Variants in RBFOX1 observed in about 807,000 individuals in gnomAD.
RBFOX1 encodes RNA binding protein fox-1 homolog 1.
In RBFOX1, 8 loss-of-function variants were observed where a neutral mutation model predicts 57.7. That is an observed-to-expected ratio of 0.14 (90% CI 0.08 to 0.25). RBFOX1 has a LOEUF of 0.25. RBFOX1 is among the 10% of genes least tolerant of loss of function. RBFOX1 has a pLI of 1.00. For synonymous variants in RBFOX1, 326 were observed against 222.4 expected (o/e 1.47, Z -4.15); for missense variants, 611 against 548.5 (o/e 1.11, Z -1.14).
chr16:5,560,102 A>G (rs1173484338), intron 2 of RBFOX1, among the ~76,000 whole-genome samples: 1 of 152,186 alleles, frequency 6.6e-6, no homozygotes, highest in Non-Finnish European at 1.5e-5. Context: ...CATATTCATT[A>G]TTTATAGAAT....
At chr16:7,080,083 GTATATATGTATA>G (rs891625631) in intron 4 of RBFOX1, among the ~76,000 whole-genome samples, 4 of 136,702 alleles carry the variant, frequency 2.9e-5, no homozygotes, top group African/African-American at 1.2e-4. Context: ...ATATACATAT[GTATATATGTATA>G]TATATATAAA....
At chr16:5,407,830 T>C (rs565319405) in intron 1 of RBFOX1, among the ~76,000 whole-genome samples, 1 of 152,304 alleles carries the variant, frequency 6.6e-6, no homozygotes, top group African/African-American at 2.4e-5. Flanking sequence ...ATTACAGGCG[T>C]GAGCCACTGC....
chr16:6,346,061 T>TATC (rs2085321514), intron 2 of RBFOX1, among the ~76,000 whole-genome samples: 1 of 152,144 alleles, frequency 6.6e-6, no homozygotes, highest in Non-Finnish European at 1.5e-5. Context: ...GGTATGCATT[T>TATC]ATCTCAGTGA....
intron 3 of RBFOX1, among the ~76,000 whole-genome samples, chr16:6,913,594 C>T (rs1444611904): frequency 1.3e-5 from 2 of 152,108 alleles, no homozygotes; most frequent in African/African-American, 4.8e-5. Flanking sequence ...GGTAGCATCC[C>T]CAAGCTTTTC....
intron 4 of RBFOX1, among the ~76,000 whole-genome samples, chr16:7,513,765 GC>G (rs1191095392): frequency 6.6e-6 from 1 of 152,188 alleles, no homozygotes; most frequent in Admixed American, 6.5e-5. Context: ...AGAAGGGGCT[GC>G]TTTTCATGGA....
chr16:7,595,279 C>A (rs1025665458), intron 7 of RBFOX1, among the ~76,000 whole-genome samples: 1 of 151,736 alleles, frequency 6.6e-6, no homozygotes, highest in South Asian at 2.1e-4. Flanking sequence ...GATTTATTTT[C>A]TTCTGTAGTG....
chr16:5,577,739 C>T (rs1003927366), intron 2 of RBFOX1, among the ~76,000 whole-genome samples: 12 of 152,018 alleles, frequency 7.9e-5, no homozygotes, highest in African/African-American at 2.2e-4. Context: ...TGATCAAACA[C>T]GTTAATATTC....
At chr16:7,170,600 C>G (rs912133726) in intron 4 of RBFOX1, among the ~76,000 whole-genome samples, 6 of 152,180 alleles carry the variant, frequency 3.9e-5, no homozygotes, top group Admixed American at 1.3e-4. Context: ...TTGACTGGAT[C>G]ACCTGTTTAA....
chr16:5,615,331 G>C (rs1360022489), intron 3 of RBFOX1, among the ~76,000 whole-genome samples: 1 of 152,192 alleles, frequency 6.6e-6, no homozygotes, highest in Non-Finnish European at 1.5e-5. Context: ...GCACCCAGCA[G>C]CTGAGTTTTT....
At chr16:6,014,376 A>G (rs998245669), upstream of RBFOX1, among the ~76,000 whole-genome samples, 2 of 152,210 alleles carry the variant, frequency 1.3e-5, no homozygotes, top group African/African-American at 2.4e-5. Context: ...TACTATTTCA[A>G]AGACACATTG....
At position 7,340,929 on chromosome 16, in the gene RBFOX1, T is replaced by C. The variant is rs190276236; in HGVS notation, c.28-177218T>C. On this transcript the variant is annotated intron_variant, in intron 4 of 15. Coordinates refer to ENST00000550418, the MANE Select transcript of RBFOX1 (RefSeq NM_018723.4). ...AGGCATGCTATATCAGCAACTATGC[T>C]TTTTATAATACGTTGGCACAGGGCA... Among the ~76,000 whole-genome samples, 464 of 152,322 alleles carry C rather than the reference T, an allele frequency of 3.0e-3. 1 individual carries two copies. The highest frequency in any genetic ancestry group is 0.011 in the South Asian group (51 of 4,830).
chr16:6,574,361 C>G (rs1255005468), intron 2 of RBFOX1, among the ~76,000 whole-genome samples: 1 of 150,378 alleles, frequency 6.6e-6, no homozygotes, highest in African/African-American at 2.4e-5. Context: ...TTTTCACTAG[C>G]GTGGGAATGC....
chr16:6,794,593 G>A (rs1307716405), intron 3 of RBFOX1, among the ~76,000 whole-genome samples: 1 of 152,094 alleles, frequency 6.6e-6, no homozygotes, highest in East Asian at 1.9e-4. Context: ...AACTCATTCA[G>A]TGACCTACAT....
chr16:6,072,232 C>A (rs971443177), intron 1 of RBFOX1, among the ~76,000 whole-genome samples: 3 of 152,102 alleles, frequency 2.0e-5, no homozygotes, highest in Non-Finnish European at 2.9e-5. Flanking sequence ...AAAACCCACC[C>A]CCCCATGATC....
chr16:5,936,995 A>G (rs1229843969), intron 4 of RBFOX1, among the ~76,000 whole-genome samples: 1 of 152,168 alleles, frequency 6.6e-6, no homozygotes, highest in African/African-American at 2.4e-5. Flanking sequence ...GTGTCAGTGT[A>G]CCTTTTACTC....
At chr16:5,358,733 A>G (rs1198823748) in intron 1 of RBFOX1, among the ~76,000 whole-genome samples, 1 of 152,240 alleles carries the variant, frequency 6.6e-6, no homozygotes, top group Non-Finnish European at 1.5e-5. Flanking sequence ...AGGTTGAGGC[A>G]GGAGAATCGC....
chr16:5,687,413 T>C (rs2050538194), intron 3 of RBFOX1, among the ~76,000 whole-genome samples: 1 of 152,114 alleles, frequency 6.6e-6, no homozygotes, highest in Non-Finnish European at 1.5e-5. Context: ...TTTAGCTTCC[T>C]CCTCTGTAAA....
At chr16:6,698,892 T>A (rs968988543) in intron 3 of RBFOX1, among the ~76,000 whole-genome samples, 6 of 152,174 alleles carry the variant, frequency 3.9e-5, no homozygotes, top group Non-Finnish European at 7.3e-5. Flanking sequence ...CTTTGTGATA[T>A]TTTCCCCCTT....
intron 2 of RBFOX1, among the ~76,000 whole-genome samples, chr16:6,597,192 A>G (rs111452979): frequency 0.012 from 1,765 of 152,258 alleles, 41 homozygotes; most frequent in African/African-American, 0.038. Context: ...ACGATTCTCT[A>G]ATCTTCATAT....
Sources: gnomAD v4.1 joint callset for allele counts (sites outside exome capture counted in the v4.1 genomes callset) on GRCh38, gnomAD v4.1.1 for gene constraint, MANE v1.5 for transcripts, NCBI Gene and HGNC (gene_info 2026-07-23, HGNC 2026-07-21) for gene names.